Variants in LNX1 observed in about 807,000 individuals in gnomAD.
LNX1 encodes the protein ligand of numb-protein X 1.
Under a neutral mutation model 68.4 loss-of-function variants are expected in LNX1, and 54 were observed. That is an observed-to-expected ratio of 0.79 (90% confidence interval 0.63 to 0.99). The LOEUF (loss-of-function observed/expected upper bound fraction) is 0.99, where lower values mean the gene tolerates loss of function less well. Ranked by LOEUF, LNX1 falls within the 50% of genes least tolerant of loss-of-function variation. LNX1 has a pLI of 0.00. For synonymous variants in LNX1, 336 were observed against 350.0 expected (o/e 0.96, Z 0.45); for missense variants, 906 against 926.4 (o/e 0.98, Z 0.29).
chr4:53,463,618 T>TTCTC (rs1422099773), intron 9 of LNX1, among the ~76,000 whole-genome samples: 3 of 135,160 alleles, frequency 2.2e-5, no homozygotes, highest in African/African-American at 8.3e-5. Flanking sequence ...TCTGCACTCA[T>TTCTC]TCTCTAAATT....
chr4:53,523,437 C>T (rs1440381184), intron 2 of LNX1, among the ~76,000 whole-genome samples: 1 of 152,170 alleles, frequency 6.6e-6, no homozygotes, highest in Non-Finnish European at 1.5e-5. Flanking sequence ...CAGGCGTGCA[C>T]CACCACGCCT....
intron 2 of LNX1, among the ~76,000 whole-genome samples, chr4:53,522,836 C>T (rs1484869363): frequency 6.6e-6 from 1 of 152,134 alleles, no homozygotes; most frequent in Admixed American, 6.6e-5. Context: ...CAAACCAAAA[C>T]CCTGTAATTC....
chr4:53,475,102 G>GC (rs1248256375), intron 9 of LNX1, among the ~76,000 whole-genome samples: 1 of 152,182 alleles, frequency 6.6e-6, no homozygotes. Context: ...GAAGTGCCAT[G>GC]CCCAAGGGCA....
chr4:53,485,794 G>A (rs909200588), intron 6 of LNX1, among the ~76,000 whole-genome samples: 1 of 152,198 alleles, frequency 6.6e-6, no homozygotes, highest in Non-Finnish European at 1.5e-5. Flanking sequence ...GTGTGAGTGT[G>A]AGGAGGGGGA....
intron 1 of LNX1, among the ~76,000 whole-genome samples, chr4:53,633,535 A>G (rs1734355370): frequency 6.6e-6 from 1 of 152,168 alleles, no homozygotes; most frequent in South Asian, 2.1e-4. Flanking sequence ...GGAAGCTGCC[A>G]TGAGTTTATC....
Position 53,459,472 on chromosome 4 carries a change from ATAT to A in LNX1, c.*1432_*1434del. ...TAGGCATGGTTTTGGCCTTTTGTGT[ATAT>A]TAGTACCAGAAGTAGATACTATAAA... On this transcript the variant is annotated 3_prime_UTR_variant, in exon 11 of 11. Transcript: ENST00000263925. 1 of 1,613,190 alleles carries A rather than the reference ATAT, an allele frequency of 6.2e-7. No homozygotes were observed. The highest frequency in any genetic ancestry group is 8.5e-7 in the Non-Finnish European group (1 of 1,179,288).
intron 2 of LNX1, among the ~76,000 whole-genome samples, chr4:53,519,214 C>T (rs1258538351): frequency 1.3e-5 from 2 of 152,188 alleles, no homozygotes; most frequent in East Asian, 1.9e-4. Context: ...TCTAAGTGTG[C>T]GGGCACCTCC....
chr4:53,615,366 T>C (rs1733647369), intron 2 of LNX1, among the ~76,000 whole-genome samples: 1 of 152,190 alleles, frequency 6.6e-6, no homozygotes, highest in African/African-American at 2.4e-5. Context: ...TTTGGGGCAC[T>C]GTGGGGGTTC....
chr4:53,547,516 C>A (rs1656667688), intron 2 of LNX1, among the ~76,000 whole-genome samples: 1 of 152,158 alleles, frequency 6.6e-6, no homozygotes, highest in Non-Finnish European at 1.5e-5. Flanking sequence ...GGTCATCTCA[C>A]CTTCAGCAGA....
At chr4:53,634,384 CAGG>C (rs1734386292) in intron 1 of LNX1, among the ~76,000 whole-genome samples, 1 of 151,896 alleles carries the variant, frequency 6.6e-6, no homozygotes. Context: ...GCTGGGACTA[CAGG>C]TGCACGCTGC....
chr4:53,569,105 T>C (rs1245809127), intron 2 of LNX1, among the ~76,000 whole-genome samples: 2 of 151,810 alleles, frequency 1.3e-5, no homozygotes, highest in Middle Eastern at 3.2e-3. Flanking sequence ...ATTTACAGAT[T>C]CAGTGCCATC....
At chr4:53,509,289 T>A (rs1428040943) in intron 2 of LNX1, among the ~76,000 whole-genome samples, 1 of 152,234 alleles carries the variant, frequency 6.6e-6, no homozygotes, top group Non-Finnish European at 1.5e-5. Flanking sequence ...AATTATAAAT[T>A]CTTATCAATT....
intron 8 of LNX1, among the ~76,000 whole-genome samples, chr4:53,477,519 G>T (rs1336505165): frequency 6.6e-6 from 1 of 152,136 alleles, no homozygotes; most frequent in Non-Finnish European, 1.5e-5. Context: ...AGCTACTATT[G>T]GTTAAGCGCC....
At chr4:53,584,655 C>T (rs1732053953) in intron 1 of LNX1, among the ~76,000 whole-genome samples, 1 of 152,132 alleles carries the variant, frequency 6.6e-6, no homozygotes, top group African/African-American at 2.4e-5. Flanking sequence ...CTTGATGTGA[C>T]CCATATGACG....
rs1242697574 is a variant in LNX1 at position 53,460,950 on chromosome 4, C to G, written c.2144G>C (p.Arg715Thr). Residue 715 changes from arginine (R) to threonine (T), a missense_variant, in exon 11 of 11, where the codon AGA becomes ACA. By Grantham distance (71) the Arg-to-Thr change is moderately conservative. Coordinates refer to ENST00000263925, the MANE Select transcript of LNX1 (RefSeq NM_001126328.3). Reference sequence around the variant, plus strand: ...CCAAGAAACAATAGTTAGAGTAATTCTTCCTTTAAGTTCTTTCAGCAGTCT... The same window carrying G: ...CCAAGAAACAATAGTTAGAGTAATTGTTCCTTTAAGTTCTTTCAGCAGTCT... The part of the protein sequence containing the change: ...LARLLKELKG[R>T]ITLTIVSWPG... The G allele has an allele frequency of 6.2e-7, 1 of 1,609,978 alleles. No homozygotes were observed. The highest frequency in any genetic ancestry group is 2.2e-5 in the East Asian group (1 of 44,600).
intron 9 of LNX1, among the ~76,000 whole-genome samples, chr4:53,474,774 C>CT (rs11395102): frequency 0.8 from 119,118 of 148,806 alleles, 47,777 homozygotes; most frequent in Non-Finnish European, 0.85. Flanking sequence ...TCTACTTCTT[C>CT]TTTTTTTTTT....
chr4:53,516,966 C>A (rs74347547), intron 2 of LNX1, among the ~76,000 whole-genome samples: 4,275 of 152,238 alleles, frequency 0.028, 214 homozygotes, highest in East Asian at 0.17. Context: ...GCTGCCCCTG[C>A]CTGCCAGTCA....
chr4:53,575,793 C>T, intron 1 of LNX1: 2 of 1,575,794 alleles, frequency 1.3e-6, no homozygotes, highest in South Asian at 1.2e-5. Flanking sequence ...TCTTGGGGGC[C>T]CAGCTTCCTC....
chr4:53,513,589 T>C (rs1726526501), intron 2 of LNX1, among the ~76,000 whole-genome samples: 1 of 152,208 alleles, frequency 6.6e-6, no homozygotes, highest in Non-Finnish European at 1.5e-5. Flanking sequence ...GCTCCTTATC[T>C]GTCATTCAGG....
Sources: gnomAD v4.1 joint callset for allele counts (sites outside exome capture counted in the v4.1 genomes callset) on GRCh38, gnomAD v4.1.1 for gene constraint, MANE v1.5 for transcripts, NCBI Gene and HGNC (gene_info 2026-07-23, HGNC 2026-07-21) for gene names.